Variants in INPP5D observed in about 807,000 individuals in gnomAD.
INPP5D encodes phosphatidylinositol 3,4,5-trisphosphate 5-phosphatase 1.
INPP5D carries 33 observed loss-of-function variants against 122.9 expected under a neutral mutation model. The observed-to-expected ratio is 0.27, with a 90% CI of 0.20 to 0.36. The LOEUF (loss-of-function observed/expected upper bound fraction) is 0.36. Among genes scored for constraint, INPP5D ranks in the 10% least tolerant of loss-of-function variants. The pLI is 1.00. For synonymous variants in INPP5D, 584 were observed against 576.2 expected (o/e 1.01, Z -0.19); for missense variants, 1,053 against 1,412.7 (o/e 0.75, Z 4.08).
chr2:233,152,755 A>T (rs1156977700), intron 9 of INPP5D, among the ~76,000 whole-genome samples: 1 of 152,184 alleles, frequency 6.6e-6, no homozygotes, highest in African/African-American at 2.4e-5. Flanking sequence ...GCCAGGACTC[A>T]GACAAGGCTG....
At chr2:233,106,263 G>A (rs1025618921) in intron 2 of INPP5D, among the ~76,000 whole-genome samples, 5 of 152,124 alleles carry the variant, frequency 3.3e-5, no homozygotes, top group African/African-American at 1.2e-4. Flanking sequence ...GGGCTGTCTT[G>A]GACTCAGCTG....
rs541443038 is a variant in INPP5D, at chr2:233,166,427, A to G, written c.1555+2003A>G. The stretch of plus-strand genomic sequence containing the variant: ...GAAGCCAGTTCCTGGGAGGGAGTGC[A>G]CTGGCGAAGGAGTGTGTGGCGTGGG... On this transcript the variant is annotated intron_variant, in intron 13 of 26. Transcript: ENST00000445964. 2.0e-5 allele frequency among the ~76,000 whole-genome samples: 3 copies of G among 152,314 alleles called. No individual in the cohort carries two copies. In the South Asian group the frequency reaches 6.2e-4, roughly 32 times the overall value.
chr2:233,184,699 C>T (rs748288494), intron 20 of INPP5D, among the ~76,000 whole-genome samples, 178 bp downstream of exon 20: 8 of 152,220 alleles, frequency 5.3e-5, no homozygotes, highest in Non-Finnish European at 7.3e-5. Context: ...TGTGAGGGGT[C>T]CCCCTGTGGC....
At chr2:233,074,170 C>T (rs62194576) in intron 1 of INPP5D, among the ~76,000 whole-genome samples, 36 of 152,136 alleles carry the variant, frequency 2.4e-4, no homozygotes, top group East Asian at 5.8e-4. Flanking sequence ...TGGGTTAAAA[C>T]GACTGGCACT....
chr2:233,185,895 G>T lies in INPP5D; in HGVS notation c.2328G>T (p.Leu776=). The T allele has an allele frequency of 6.2e-7, 1 of 1,608,628 alleles. No individual in the cohort carries two copies. The highest frequency in any genetic ancestry group is 8.5e-7 in the Non-Finnish European group (1 of 1,177,486). ...ATGAAGAAGGAAGTGAGGGGGAGCTGGTGGTGAAGTTTGGTGAGACTCTTC... is the reference window on the plus strand; with the variant it reads ...ATGAAGAAGGAAGTGAGGGGGAGCTTGTGGTGAAGTTTGGTGAGACTCTTC... The part of the protein sequence containing the change: ...GENEEGSEGE[L]VVKFGETLPK... The change falls in exon 21 of 27, where the codon CTG becomes CTT. Residue 776 remains leucine (L), a synonymous_variant. Coordinates refer to ENST00000445964, the MANE Select transcript of INPP5D (RefSeq NM_001017915.3).
chr2:233,139,809 A>G, intron 5 of INPP5D, 33 bp from the exon 6 acceptor site: 1 of 398,424 alleles, frequency 2.5e-6, no homozygotes, highest in Admixed American at 4.4e-5. Flanking sequence ...GTGCCCACTA[A>G]TCCTTGATGT....
intron 2 of INPP5D, among the ~76,000 whole-genome samples, chr2:233,087,099 C>G (rs1004753741): frequency 6.6e-5 from 10 of 152,314 alleles, no homozygotes; most frequent in African/African-American, 2.4e-4. Context: ...CGCTTCTCAT[C>G]TTGACTTTGC....
intron 22 of INPP5D, among the ~76,000 whole-genome samples, chr2:233,190,823 G>A (rs1171255869): frequency 6.6e-6 from 1 of 152,220 alleles, no homozygotes; most frequent in Non-Finnish European, 1.5e-5. Flanking sequence ...TACAAGCCAA[G>A]CTAAGAGCAA....
intron 9 of INPP5D, among the ~76,000 whole-genome samples, chr2:233,155,562 C>T (rs547205276): frequency 6.6e-6 from 1 of 151,992 alleles, no homozygotes; most frequent in African/African-American, 2.4e-5. Flanking sequence ...GCAGAGGTTG[C>T]GGTGAGCCAA....
intron 1 of INPP5D, among the ~76,000 whole-genome samples, chr2:233,068,981 G>A (rs929134640): frequency 6.6e-6 from 1 of 150,954 alleles, no homozygotes; most frequent in African/African-American, 2.4e-5. Context: ...AGACCACTGG[G>A]CTCCAATTGA....
intron 26 of INPP5D, 61 bp downstream of exon 26, chr2:233,204,778 ATGTG>A: frequency 1.4e-6 from 2 of 1,408,584 alleles, no homozygotes; most frequent in Non-Finnish European, 1.9e-6. Context: ...GTGAGTGCGT[ATGTG>A]TGTACCTATG....
chr2:233,183,528 C>T lies in INPP5D; in HGVS notation c.2162-880C>T, dbSNP rs547798306. 1.3e-5 allele frequency among the ~76,000 whole-genome samples: 2 copies of T among 152,288 alleles called. No individual in the cohort carries two copies. Among genetic ancestry groups the T allele is most frequent in the Admixed American group, 6.5e-5 (1 of 15,296 alleles). On this transcript the variant is annotated intron_variant, in intron 19 of 26. Coordinates refer to ENST00000445964, the MANE Select transcript of INPP5D (RefSeq NM_001017915.3). The surrounding 1 kb of genome is among the most constrained non-coding windows in gnomAD (Gnocchi z 4.6). The stretch of plus-strand genomic sequence containing the variant: ...TAGTCCTTAGGCAGGACCTCTTCCC[C>T]GACTTCCACCCATCTCTCCTTTCTC...
In INPP5D at chr2:233,177,338, A is replaced by T. The variant is rs770202559; in HGVS notation, c.2063A>T (p.Gln688Leu). The T allele has an allele frequency of 6.2e-7, 1 of 1,613,758 alleles. No homozygotes were observed. Among genetic ancestry groups the T allele is most frequent in the Admixed American group, 1.7e-5 (1 of 60,000 alleles). ...TATCCCCTGGTGCACGTGGTGTGTC[A>T]GTCTTATGGTGAGTTCAAACACTGG... The part of the protein sequence containing the change: ...KSYPLVHVVC[Q>L]SYGSTSDIMT... The change falls in exon 18 of 27, where the codon CAG becomes CTG. Residue 688 changes from glutamine (Q) to leucine (L), a missense_variant. Transcript: ENST00000445964. This position sits in a 1 kb window ranked among gnomAD's most constrained non-coding sequence, Gnocchi z 4.2.
At position 233,206,508 on chromosome 2, in the gene INPP5D, C is replaced by G. The variant is rs1695508809; in HGVS notation, c.3568-198C>G. On this transcript the variant is annotated intron_variant, in intron 26 of 26. Transcript: ENST00000445964. This position sits in a 1 kb window ranked among gnomAD's most constrained non-coding sequence, Gnocchi z 4.0. ...CACCACTGCACTCCAGACTAGGCAACAGAGTAAGACCCCATTTCTAAAAAA... is the reference window on the plus strand; with the variant it reads ...CACCACTGCACTCCAGACTAGGCAAGAGAGTAAGACCCCATTTCTAAAAAA... Among the ~76,000 whole-genome samples, 1 of 152,130 alleles carries G rather than the reference C, an allele frequency of 6.6e-6. No homozygotes were observed. The highest frequency in any genetic ancestry group is 2.1e-4 in the South Asian group (1 of 4,830).
At chr2:233,106,897 C>T (rs1692481511) in intron 2 of INPP5D, among the ~76,000 whole-genome samples, 1 of 152,210 alleles carries the variant, frequency 6.6e-6, no homozygotes. Flanking sequence ...ACAGAGACTT[C>T]AGAGCTGTCA....
rs182887336 is a variant in INPP5D, at chr2:233,074,849, C to A, written c.135-4486C>A. 1.2e-4 allele frequency among the ~76,000 whole-genome samples: 19 copies of A among 152,248 alleles called. No individual in the cohort carries two copies. In the East Asian group the frequency reaches 3.5e-3, roughly 28 times the overall value. On this transcript the variant is annotated intron_variant, in intron 1 of 26. Coordinates refer to ENST00000445964, the MANE Select transcript of INPP5D (RefSeq NM_001017915.3). ...GGTTCTTGAATTTTATAGTTGGATTCTCTGTCTCTCTGTGGGTCTGTCCAT... is the reference window on the plus strand; with the variant it reads ...GGTTCTTGAATTTTATAGTTGGATTATCTGTCTCTCTGTGGGTCTGTCCAT...
At chr2:233,152,978 T>C (rs560591946) in intron 9 of INPP5D, among the ~76,000 whole-genome samples, 4 of 152,194 alleles carry the variant, frequency 2.6e-5, no homozygotes, top group Admixed American at 6.5e-5. Context: ...GAGGCCATGA[T>C]AGCAGTCAGG....
chr2:233,126,390 T>G (rs919549730), intron 4 of INPP5D, among the ~76,000 whole-genome samples: 1 of 152,160 alleles, frequency 6.6e-6, no homozygotes, highest in African/African-American at 2.4e-5. Context: ...ACTCTCTCAC[T>G]TGGCAAAATA....
At chr2:233,118,071 G>A (rs1021063486) in intron 2 of INPP5D, among the ~76,000 whole-genome samples, 12 of 152,168 alleles carry the variant, frequency 7.9e-5, no homozygotes, top group African/African-American at 2.9e-4. Context: ...TATGGACCTG[G>A]CCTGCTGTGG....
Sources: allele counts gnomAD v4.1 joint callset (sites outside exome capture counted in the v4.1 genomes callset), GRCh38; gene constraint gnomAD v4.1.1; non-coding constraint Gnocchi (gnomAD v3.1); transcripts MANE v1.5; gene names NCBI Gene and HGNC (gene_info 2026-07-23, HGNC 2026-07-21).